GLRA3: variants seen among roughly 807,000 people sequenced by gnomAD.
GLRA3 encodes the protein glycine receptor alpha 3.
GLRA3 carries 44 observed loss-of-function variants against 60.4 expected under a neutral mutation model. That is an observed-to-expected ratio of 0.73 (90% CI 0.57 to 0.94). The LOEUF (loss-of-function observed/expected upper bound fraction) is 0.94, where lower values mean the gene tolerates loss of function less well. GLRA3 is among the 40% of genes least tolerant of loss of function. The pLI is 0.00. For missense variants in GLRA3, 508 were observed against 564.6 expected, an observed-to-expected ratio of 0.90 and a Z score of 1.02; for synonymous variants, 223 against 192.9, an observed-to-expected ratio of 1.16 and a Z score of -1.29.
intron 5 of GLRA3, among the ~76,000 whole-genome samples, chr4:174,695,230 C>T (rs1735002659): frequency 6.6e-6 from 1 of 151,944 alleles, no homozygotes; most frequent in Non-Finnish European, 1.5e-5. Context: ...TCCTCCTCAA[C>T]TTATTATATG....
At chr4:174,652,418 C>T (rs1411845744) in intron 9 of GLRA3, among the ~76,000 whole-genome samples, 1 of 151,910 alleles carries the variant, frequency 6.6e-6, no homozygotes, top group Non-Finnish European at 1.5e-5. Flanking sequence ...GGCAAAATCG[C>T]TGATTAAAAA....
intron 5 of GLRA3, among the ~76,000 whole-genome samples, chr4:174,712,196 T>A (rs1264065543): frequency 6.6e-6 from 1 of 152,182 alleles, no homozygotes; most frequent in African/African-American, 2.4e-5. Flanking sequence ...GGATCATTGA[T>A]AGTTTAGACA....
chr4:174,812,916 A>G (rs1740328411), intron 1 of GLRA3, among the ~76,000 whole-genome samples: 1 of 152,138 alleles, frequency 6.6e-6, no homozygotes, highest in Non-Finnish European at 1.5e-5. Context: ...AGGAAACAAA[A>G]GGGTTCAGAC....
chr4:174,712,383 A>G (rs1307839992), intron 5 of GLRA3: 1 of 152,162 alleles, frequency 6.6e-6, no homozygotes, highest in Non-Finnish European at 1.5e-5. Flanking sequence ...AATTCTTGAA[A>G]CAGAGACTTT....
At chr4:174,766,412 C>T (rs545888912) in intron 3 of GLRA3, among the ~76,000 whole-genome samples, 2 of 152,016 alleles carry the variant, frequency 1.3e-5, no homozygotes, top group South Asian at 4.1e-4. Flanking sequence ...TTAGAAAAAG[C>T]TATAAAATTT....
Position 174,704,630 on chromosome 4 carries a change from A to G in GLRA3, c.574+10858T>C, listed in dbSNP as rs1202871325. 6.3e-5 allele frequency among the ~76,000 whole-genome samples: 9 copies of G among 143,942 alleles called. 3 individuals are homozygous for G. Among genetic ancestry groups the G allele is most frequent in the Non-Finnish European group, 1.4e-4 (9 of 64,766 alleles). 94.4% of individuals were successfully genotyped at this position (143,942 alleles called of 152,430 possible). A position where few individuals can be genotyped will look rare whatever the true frequency, so the allele number is the denominator to read the frequency against. On this transcript the variant is annotated intron_variant, in intron 5 of 9. Transcript: ENST00000274093. ...AAAGAATTCAAAGCAGGGTCTCAAA[A>G]AGGTATTTGACATTCGTGTTCATAG...
chr4:174,701,284 T>C (rs1310358192), intron 5 of GLRA3, among the ~76,000 whole-genome samples: 1 of 152,164 alleles, frequency 6.6e-6, no homozygotes, highest in African/African-American at 2.4e-5. Flanking sequence ...CTGTTGTCTA[T>C]AAATGGAACA....
At chr4:174,818,279 C>T (rs1336207919) in intron 1 of GLRA3, among the ~76,000 whole-genome samples, 1 of 152,056 alleles carries the variant, frequency 6.6e-6, no homozygotes, top group Non-Finnish European at 1.5e-5. Context: ...CTTTTTACTA[C>T]TATGTTTTTG....
At chr4:174,797,070 T>C (rs1043619222) in intron 1 of GLRA3, among the ~76,000 whole-genome samples, 2 of 152,186 alleles carry the variant, frequency 1.3e-5, no homozygotes, top group African/African-American at 4.8e-5. Context: ...ACTCTAAATT[T>C]GAAATAGCCC....
In GLRA3 at chr4:174,785,515, A is replaced by G. The variant is rs187504527; in HGVS notation, c.199+3301T>C. Among the ~76,000 whole-genome samples, 413 of 152,290 alleles carry G rather than the reference A, an allele frequency of 2.7e-3. 2 individuals are homozygous for G. The highest frequency in any genetic ancestry group is 9.5e-3 in the African/African-American group (396 of 41,564). On this transcript the variant is annotated intron_variant, in intron 2 of 9. Coordinates refer to ENST00000274093, the MANE Select transcript of GLRA3 (RefSeq NM_006529.4). ...ATACACTTTGCTTTTGGCTAATGAG[A>G]TTAAACATTTCCATTTCGTTTCTGT...
intron 5 of GLRA3, among the ~76,000 whole-genome samples, chr4:174,711,479 C>T (rs949790225): frequency 4.7e-5 from 7 of 148,888 alleles, no homozygotes; most frequent in South Asian, 4.2e-4. Context: ...CTCACTCTGT[C>T]GCCCATGCTG....
At chr4:174,651,829 A>G (rs116275246) in intron 9 of GLRA3, among the ~76,000 whole-genome samples, 2,328 of 152,280 alleles carry the variant, frequency 0.015, 64 homozygotes, top group African/African-American at 0.05. Context: ...GTGTTCCATG[A>G]AAGAGTGCAG....
intron 1 of GLRA3, among the ~76,000 whole-genome samples, chr4:174,823,653 T>C (rs1199656312): frequency 2.0e-5 from 3 of 152,208 alleles, no homozygotes; most frequent in Non-Finnish European, 4.4e-5. Context: ...ATATGTTTCA[T>C]GATATAAGGA....
At chr4:174,770,171 C>A (rs1391158630) in intron 2 of GLRA3, among the ~76,000 whole-genome samples, 1 of 152,012 alleles carries the variant, frequency 6.6e-6, no homozygotes, top group African/African-American at 2.4e-5. Context: ...GAGGAAAAAT[C>A]AATAAAATTA....
intron 7 of GLRA3, among the ~76,000 whole-genome samples, chr4:174,665,260 A>G: frequency 1.0e-5 from 1 of 97,098 alleles, no homozygotes; most frequent in Admixed American, 1.0e-4. Flanking sequence ...TTTTTTTGCT[A>G]TTACTTTGGA....
chr4:174,670,622 G>T (rs966179469), intron 7 of GLRA3, among the ~76,000 whole-genome samples: 3 of 152,014 alleles, frequency 2.0e-5, no homozygotes, highest in South Asian at 2.1e-4. Flanking sequence ...TTTATGATTC[G>T]GCCATATACT....
At chr4:174,773,153 A>G (rs1015820183) in intron 2 of GLRA3, among the ~76,000 whole-genome samples, 16 of 152,180 alleles carry the variant, frequency 1.1e-4, no homozygotes, top group African/African-American at 3.9e-4. Flanking sequence ...AAGCTGTTAT[A>G]TCTATCCAAT....
chr4:174,775,946 G>A (rs1738580967), intron 2 of GLRA3, among the ~76,000 whole-genome samples: 1 of 151,980 alleles, frequency 6.6e-6, no homozygotes. Flanking sequence ...AAAAATGGTT[G>A]ACAAATGAAA....
At chr4:174,739,818 G>A (rs183780832) in intron 3 of GLRA3, among the ~76,000 whole-genome samples, 21 of 152,168 alleles carry the variant, frequency 1.4e-4, no homozygotes, top group African/African-American at 3.4e-4. Context: ...GAGCCAACAC[G>A]GTAAAGTCAA....
Sources: allele counts gnomAD v4.1 joint callset (sites outside exome capture counted in the v4.1 genomes callset), GRCh38; gene constraint gnomAD v4.1.1; transcripts MANE v1.5; gene names NCBI Gene and HGNC (gene_info 2026-07-23, HGNC 2026-07-21).